Variants in RFX3 observed in about 807,000 individuals in gnomAD.
The protein encoded by RFX3 is transcription factor RFX3.
Under a neutral mutation model 98.6 loss-of-function variants are expected in RFX3, and 14 were observed. That is an observed-to-expected ratio of 0.14 (90% CI 0.09 to 0.22). The LOEUF (loss-of-function observed/expected upper bound fraction) is 0.22. Ranked by LOEUF, RFX3 falls within the 10% of genes least tolerant of loss-of-function variation. The pLI is 1.00. For synonymous variants in RFX3, 383 were observed against 328.4 expected (o/e 1.17, Z -1.80); for missense variants, 639 against 926.9 (o/e 0.69, Z 4.03).
At position 3,400,287 on chromosome 9, in the gene RFX3, T is replaced by A. The variant is rs961182889; in HGVS notation, c.-8-4691A>T. Reference sequence around the variant, plus strand: ...GTTGTCAACTACTTAATAGGAGGAATCTTATAGAATAGAGTAGGGGAAATA... The same window carrying A: ...GTTGTCAACTACTTAATAGGAGGAAACTTATAGAATAGAGTAGGGGAAATA... On this transcript the variant is annotated intron_variant, in intron 1 of 16. Transcript: ENST00000617270. 7.1e-6 allele frequency: 5 copies of A among 700,844 alleles called. No individual in the cohort carries two copies. In the African/African-American group the frequency reaches 9.6e-5, roughly 14 times the overall value. 43.4% of individuals were successfully genotyped at this position (700,844 alleles called of 1,614,324 possible). A position where few individuals can be genotyped will look rare whatever the true frequency, so the allele number is the denominator to read the frequency against.
intron 14 of RFX3, among the ~76,000 whole-genome samples, chr9:3,253,776 C>A (rs969496472): frequency 6.6e-6 from 1 of 152,128 alleles, no homozygotes; most frequent in Non-Finnish European, 1.5e-5. Flanking sequence ...GTGTATGTGA[C>A]TGCCAAATTT....
intron 2 of RFX3, among the ~76,000 whole-genome samples, chr9:3,355,657 G>T (rs1835662654): frequency 6.6e-6 from 1 of 151,716 alleles, no homozygotes; most frequent in South Asian, 2.1e-4. Flanking sequence ...GAAAATCATT[G>T]AGAATACAGA....
intron 1 of RFX3, chr9:3,524,646 T>A: frequency 2.0e-6 from 2 of 982,772 alleles, no homozygotes; most frequent in Non-Finnish European, 2.4e-6. Flanking sequence ...CCCTTCCCTG[T>A]TCATCACAAA....
chr9:3,418,823 G>A (rs1460807672), intron 1 of RFX3, among the ~76,000 whole-genome samples: 1 of 152,184 alleles, frequency 6.6e-6, no homozygotes, highest in African/African-American at 2.4e-5. Context: ...TTATTTGAAT[G>A]CCAATGTTAA....
intron 15 of RFX3, among the ~76,000 whole-genome samples, chr9:3,237,822 C>T (rs912690227): frequency 2.6e-5 from 4 of 152,256 alleles, no homozygotes; most frequent in Non-Finnish European, 5.9e-5. Context: ...ACAGCATGGG[C>T]GGAACAACAT....
chr9:3,415,461 A>T (rs1842904587), intron 1 of RFX3, among the ~76,000 whole-genome samples: 1 of 152,050 alleles, frequency 6.6e-6, no homozygotes, highest in African/African-American at 2.4e-5. Flanking sequence ...CTATTTAAGA[A>T]TAAAACTAAC....
At chr9:3,489,609 CT>C (rs1252284616) in intron 1 of RFX3, 1 of 162,184 alleles carries the variant, frequency 6.2e-6, no homozygotes, top group Non-Finnish European at 1.3e-5. Context: ...ATTTTTCTAC[CT>C]TTAATTGAAA....
intron 4 of RFX3, among the ~76,000 whole-genome samples, chr9:3,321,109 G>A (rs1831250714): frequency 6.6e-6 from 1 of 151,884 alleles, no homozygotes; most frequent in Admixed American, 6.6e-5. Context: ...TCACCATGTT[G>A]GTCAGGCTGG....
rs554317605 is a variant in RFX3 at position 3,227,004 on chromosome 9, A to G, written c.2012-1724T>C. Among the ~76,000 whole-genome samples, 277 of 152,272 alleles carry G rather than the reference A, an allele frequency of 1.8e-3. 2 individuals are homozygous for G. Among genetic ancestry groups the G allele is most frequent in the Non-Finnish European group, 3.3e-3 (223 of 68,016 alleles). On this transcript the variant is annotated intron_variant, in intron 16 of 16. Coordinates refer to ENST00000617270, the MANE Select transcript of RFX3 (RefSeq NM_001282116.2). ...CAAAACCTCCTAGGATTTCACATTC[A>G]GTCTTTAGGTCCTGAGTATGCCCAT...
At chr9:3,385,823 G>A (rs1174128739) in intron 2 of RFX3, among the ~76,000 whole-genome samples, 1 of 151,816 alleles carries the variant, frequency 6.6e-6, no homozygotes, top group African/African-American at 2.4e-5. Flanking sequence ...ATTCCAATAA[G>A]GTCATCTAAG....
intron 11 of RFX3, among the ~76,000 whole-genome samples, chr9:3,270,106 G>GAAAGAAAGAAAGAAAGAAAGAAAGAAAC (rs1563833470): frequency 1.2e-4 from 3 of 25,782 alleles, no homozygotes; most frequent in African/African-American, 1.9e-4. Flanking sequence ...AAGAAAGAAA[G>GAAAGAAAGAAAGAAAGAAAGAAAGAAAC]AAAGAAAGAA....
rs570736098 is a variant in RFX3, at chr9:3,469,841, G to A, written c.-9+55906C>T. Among the ~76,000 whole-genome samples, 357 of 145,222 alleles carry A rather than the reference G, an allele frequency of 2.5e-3. 2 individuals are homozygous for A. Among genetic ancestry groups the A allele is most frequent in the Non-Finnish European group, 3.8e-3 (251 of 66,878 alleles). On this transcript the variant is annotated intron_variant, in intron 1 of 16. Transcript: ENST00000617270. ...AGCCTGGGTGACAGAGCGTGACTCC[G>A]TCTCAAAAAAAAAAAAAAAAATTAT...
At position 3,277,320 on chromosome 9, in the gene RFX3, T is replaced by C. The variant is rs950944052; in HGVS notation, c.973+20A>G. 1.1e-5 allele frequency: 17 copies of C among 1,610,164 alleles called. No homozygotes were observed. Among genetic ancestry groups the C allele is most frequent in the African/African-American group, 8.0e-5 (6 of 74,754 alleles). ...TTCAAAATCCTAGTAGCAACTAATA[T>C]GCATTACACCTTAACATACCTAAAA... is the stretch of plus-strand genomic sequence containing the variant. On this transcript the variant is annotated intron_variant, in intron 8 of 16. Coordinates refer to ENST00000617270, the MANE Select transcript of RFX3 (RefSeq NM_001282116.2).
In RFX3 at chr9:3,220,356, AG is replaced by A. The variant is rs753651812; in HGVS notation, c.*4685del. 76 of 152,032 alleles carry A rather than the reference AG, an allele frequency of 5.0e-4. 1 individual carries two copies. The highest frequency in any genetic ancestry group is 4.9e-4 in the Non-Finnish European group (33 of 68,014). 9.4% of individuals were successfully genotyped at this position (152,032 alleles called of 1,614,324 possible). A position where few individuals can be genotyped will look rare whatever the true frequency, so the allele number is the denominator to read the frequency against. On this transcript the variant is annotated 3_prime_UTR_variant, in exon 17 of 17. Transcript: ENST00000617270. The stretch of plus-strand genomic sequence containing the variant: ...TTGGGAAAAAAAAGACAAAAAAAAA[AG>A]AAACTTAACCCTTTCTTTATACCTT...
chr9:3,303,180 T>C (rs921021966), intron 4 of RFX3, among the ~76,000 whole-genome samples: 11 of 151,816 alleles, frequency 7.2e-5, no homozygotes, highest in East Asian at 1.9e-4. Context: ...TACTTGAAAA[T>C]AGTGATACTG....
intron 1 of RFX3, among the ~76,000 whole-genome samples, chr9:3,396,139 T>C (rs897802050): frequency 6.6e-6 from 1 of 152,040 alleles, no homozygotes; most frequent in Non-Finnish European, 1.5e-5. Flanking sequence ...GCTATACCCA[T>C]TAACTCGTCA....
rs1338078473 is a variant in RFX3, at chr9:3,524,833, A to G, written c.-9+914T>C. The stretch of plus-strand genomic sequence containing the variant: ...CATCCGGTTTAAATCACAAGCACAC[A>G]CACACACACACACACACACACACAC... On this transcript the variant is annotated intron_variant, in intron 1 of 16. Transcript: ENST00000617270. Among the ~76,000 whole-genome samples, 71 of 31,580 alleles carry G rather than the reference A, an allele frequency of 2.2e-3. 1 individual carries two copies. In the South Asian group the frequency reaches 0.028, roughly 13 times the overall value. The allele number at this position is 31,580 out of a possible 152,430, so 20.7% of individuals were successfully genotyped here.
chr9:3,468,097 A>G lies in RFX3; in HGVS notation c.-9+57650T>C, dbSNP rs1848472311. 3.3e-5 allele frequency among the ~76,000 whole-genome samples: 5 copies of G among 152,328 alleles called. No individual in the cohort carries two copies. In the South Asian group the frequency reaches 1.0e-3, roughly 32 times the overall value. ...AAACGATGCCTCAAGTTTTACAGAC[A>G]TGTGAAAATGGGTATTTTCCATGAA... is the stretch of plus-strand genomic sequence containing the variant. On this transcript the variant is annotated intron_variant, in intron 1 of 16. Coordinates refer to ENST00000617270, the MANE Select transcript of RFX3 (RefSeq NM_001282116.2).
intron 1 of RFX3, among the ~76,000 whole-genome samples, chr9:3,427,346 CATA>C (rs920816618): frequency 2.2e-5 from 3 of 135,536 alleles, no homozygotes; most frequent in South Asian, 2.2e-4. Context: ...TATTGTATTA[CATA>C]ATACTATATA....
Sources: gnomAD v4.1 joint callset for allele counts (sites outside exome capture counted in the v4.1 genomes callset) on GRCh38, gnomAD v4.1.1 for gene constraint, MANE v1.5 for transcripts, NCBI Gene and HGNC (gene_info 2026-07-23, HGNC 2026-07-21) for gene names.